The following XKR6 variants were observed in gnomAD, a reference collection of about 807,000 sequenced individuals.
XKR6 encodes the protein XK related 6, also known as XK-related protein 6.
A neutral mutation model predicts 56.7 loss-of-function variants in XKR6; 22 were observed. That is an observed-to-expected ratio of 0.39 (90% CI 0.28 to 0.55). XKR6 has a LOEUF of 0.55. Among genes scored for constraint, XKR6 ranks in the 20% least tolerant of loss-of-function variants. The probability of loss-of-function intolerance (pLI) is 0.66; values close to 1 mark genes in which losing one functional copy is unlikely to be tolerated. For missense variants in XKR6, 852 were observed against 889.0 expected, an observed-to-expected ratio of 0.96 and a Z score of 0.53; for synonymous variants, 524 against 387.8, an observed-to-expected ratio of 1.35 and a Z score of -4.13.
At position 10,912,344 on chromosome 8, in the gene XKR6, G is replaced by GGA. The variant is rs1206752634; in HGVS notation, c.961+12288_961+12289dup. Among the ~76,000 whole-genome samples the GGA allele has an allele frequency of 8.6e-3, 397 of 46,132 alleles. 5 individuals carry two copies. The highest frequency in any genetic ancestry group is 0.027 in the African/African-American group (368 of 13,614). The allele number at this position is 46,132 out of a possible 152,430, so 30.3% of individuals were successfully genotyped here. ...TATATATATATATATATATATATATGGAGAGAGAGAGAGAGAGGGTGATTA... is the reference window on the plus strand; with the variant it reads ...TATATATATATATATATATATATATGGAGAGAGAGAGAGAGAGAGGGTGATTA... On this transcript the variant is annotated intron_variant, in intron 2 of 2. Coordinates refer to ENST00000416569, the MANE Select transcript of XKR6 (RefSeq NM_173683.4).
chr8:11,137,609 C>G (rs1362325398), intron 1 of XKR6: 6 of 456,082 alleles, frequency 1.3e-5, no homozygotes, highest in Admixed American at 2.3e-5. Context: ...CTCTTCTACA[C>G]CAAATGAACT....
intron 1 of XKR6, among the ~76,000 whole-genome samples, chr8:11,107,463 G>A (rs141341972): frequency 2.6e-5 from 4 of 152,086 alleles, no homozygotes; most frequent in African/African-American, 7.2e-5. Context: ...AGGATTTTAG[G>A]CGTGAGCCAC....
intron 1 of XKR6, among the ~76,000 whole-genome samples, chr8:11,030,724 G>C (rs1798974099): frequency 6.6e-6 from 1 of 152,124 alleles, no homozygotes. Flanking sequence ...ATGGGCGGTA[G>C]TTCCTCACCT....
intron 1 of XKR6, among the ~76,000 whole-genome samples, chr8:11,065,326 C>T (rs75800407): frequency 0.015 from 2,299 of 152,296 alleles, 58 homozygotes; most frequent in African/African-American, 0.052. Flanking sequence ...TGTCAGTTCC[C>T]TTATTCTTTA....
At chr8:11,066,767 C>G (rs949207865) in intron 1 of XKR6, 1 of 152,152 alleles carries the variant, frequency 6.6e-6, no homozygotes, top group African/African-American at 2.4e-5. Context: ...AGCAGCTCAC[C>G]GAAGACGTAC....
intron 2 of XKR6, among the ~76,000 whole-genome samples, chr8:10,915,280 A>C (rs952711899): frequency 6.6e-6 from 1 of 152,230 alleles, no homozygotes; most frequent in Admixed American, 6.5e-5. Flanking sequence ...TAGGGAAGTT[A>C]TTGAATAAGT....
intron 1 of XKR6, among the ~76,000 whole-genome samples, chr8:11,028,784 C>A (rs1027172100): frequency 1.3e-5 from 2 of 152,126 alleles, no homozygotes; most frequent in African/African-American, 4.8e-5. Flanking sequence ...TCCCATTGAC[C>A]CTCACAGCAA....
chr8:11,077,414 T>A (rs1213745081), intron 1 of XKR6, among the ~76,000 whole-genome samples: 1 of 152,086 alleles, frequency 6.6e-6, no homozygotes, highest in Non-Finnish European at 1.5e-5. Flanking sequence ...TGAGGTCATC[T>A]CCCTTACGTG....
chr8:11,004,071 G>A (rs1239155135), intron 1 of XKR6, among the ~76,000 whole-genome samples: 1 of 152,192 alleles, frequency 6.6e-6, no homozygotes, highest in Admixed American at 6.5e-5. Flanking sequence ...AGAACATGAG[G>A]ACCTTGTCCA....
chr8:11,189,679 T>G (rs919176090), intron 1 of XKR6, among the ~76,000 whole-genome samples: 2 of 152,192 alleles, frequency 1.3e-5, no homozygotes, highest in African/African-American at 4.8e-5. Flanking sequence ...TTGGCAGAAA[T>G]CAGCCTGTAC....
In XKR6 at chr8:10,898,062, G is replaced by A. The variant is rs1799936227; in HGVS notation, c.1816C>T (p.Leu606=). Residue 606 remains leucine (L), a synonymous_variant, in exon 3 of 3, where the codon CTG becomes TTG. Coordinates refer to ENST00000416569, the MANE Select transcript of XKR6 (RefSeq NM_173683.4). The surrounding 1 kb of genome is among the most constrained non-coding windows in gnomAD (Gnocchi z 6.6). ...AWDAHFVDRR[L]RRTINILQYV... ...TGTAGAATGTTAATAGTCCTTCTCA[G>A]CCTCCTGTCTACAAAATGAGCATCC... 1 of 1,614,086 alleles carries A rather than the reference G, an allele frequency of 6.2e-7. No homozygotes were observed. The highest frequency in any genetic ancestry group is 8.5e-7 in the Non-Finnish European group (1 of 1,179,984).
chr8:11,175,004 A>G lies in XKR6; in HGVS notation c.764+25572T>C, dbSNP rs565654767. ...ATCACAGGGGAGAGGAAACTGAAAG[A>G]ATTTGTTGCTCTTCCCCTAAGCGGC... is the stretch of plus-strand genomic sequence containing the variant. On this transcript the variant is annotated intron_variant, in intron 1 of 2. Coordinates refer to ENST00000416569, the MANE Select transcript of XKR6 (RefSeq NM_173683.4). 3 of 152,354 alleles carry G rather than the reference A, an allele frequency of 2.0e-5. No homozygotes were observed. In the South Asian group the frequency reaches 6.2e-4, roughly 32 times the overall value. 9.4% of individuals were successfully genotyped at this position (152,354 alleles called of 1,614,324 possible).
chr8:11,114,773 G>GTGTGTGTGTGTGTGTGTGTATA (rs34746866), intron 1 of XKR6, among the ~76,000 whole-genome samples: 4 of 146,502 alleles, frequency 2.7e-5, no homozygotes, highest in Admixed American at 6.8e-5. Flanking sequence ...GTGTGTGTGT[G>GTGTGTGTGTGTGTGTGTGTATA]TATGTGCCAG....
At chr8:11,142,084 A>T (rs753073691) in intron 1 of XKR6, among the ~76,000 whole-genome samples, 5 of 152,142 alleles carry the variant, frequency 3.3e-5, no homozygotes, top group African/African-American at 4.8e-5. Flanking sequence ...TTGAAGTAAA[A>T]ATATCAGTAT....
intron 1 of XKR6, among the ~76,000 whole-genome samples, chr8:11,041,401 C>T (rs1419246407): frequency 1.3e-5 from 2 of 152,008 alleles, no homozygotes; most frequent in African/African-American, 4.8e-5. Flanking sequence ...ACTAAAAATA[C>T]AAAAACTAGC....
rs568625527 is a variant in XKR6, at chr8:11,167,486, A to C, written c.764+33090T>G. On this transcript the variant is annotated intron_variant, in intron 1 of 2. Coordinates refer to ENST00000416569, the MANE Select transcript of XKR6 (RefSeq NM_173683.4). ...GGCTGGAAGTGGTTGGCATTGCCCA[A>C]AAACAATCCAGACACCTGGGGTCAA... Among the ~76,000 whole-genome samples, 37 of 152,340 alleles carry C rather than the reference A, an allele frequency of 2.4e-4. 1 individual carries two copies. In the South Asian group the frequency reaches 6.8e-3, roughly 28 times the overall value.
At chr8:10,945,913 C>G (rs1003143169) in intron 1 of XKR6, among the ~76,000 whole-genome samples, 5 of 152,152 alleles carry the variant, frequency 3.3e-5, no homozygotes, top group Non-Finnish European at 5.9e-5. Context: ...GCCTCACTCT[C>G]CAGCCCAGCC....
intron 1 of XKR6, among the ~76,000 whole-genome samples, chr8:10,998,848 C>T (rs1053563466): frequency 3.3e-5 from 5 of 152,218 alleles, no homozygotes; most frequent in African/African-American, 9.6e-5. Flanking sequence ...TGCCTCCAAG[C>T]AGCATGGCAG....
At chr8:11,041,567 A>C (rs1799287702) in intron 1 of XKR6, among the ~76,000 whole-genome samples, 1 of 152,184 alleles carries the variant, frequency 6.6e-6, no homozygotes, top group Non-Finnish European at 1.5e-5. Context: ...AAAAAAAAAA[A>C]AAATCAACTT....
Sources: gnomAD v4.1 joint callset for allele counts (sites outside exome capture counted in the v4.1 genomes callset) on GRCh38, gnomAD v4.1.1 for gene constraint, Gnocchi (gnomAD v3.1) non-coding constraint, MANE v1.5 for transcripts, NCBI Gene and HGNC (gene_info 2026-07-23, HGNC 2026-07-21) for gene names.